Variants in SLC25A21 observed in about 807,000 individuals in gnomAD.
SLC25A21 encodes the protein mitochondrial 2-oxodicarboxylate carrier.
A neutral mutation model predicts 43.8 loss-of-function variants in SLC25A21; 47 were observed. The observed-to-expected ratio is 1.07, with a 90% CI of 0.85 to 1.37. The LOEUF is 1.37. Among genes scored for constraint, SLC25A21 ranks in the 40% most tolerant of loss-of-function variants. The pLI is 0.00. For synonymous variants in SLC25A21, 131 were observed against 121.3 expected, an observed-to-expected ratio of 1.08 and a Z score of -0.52; for missense variants, 352 against 350.2, an observed-to-expected ratio of 1.00 and a Z score of -0.04.
At chr14:37,032,286 A>C (rs1239966856) in intron 1 of SLC25A21, among the ~76,000 whole-genome samples, 2 of 152,170 alleles carry the variant, frequency 1.3e-5, no homozygotes, top group Admixed American at 1.3e-4. Context: ...TTGTAATCCT[A>C]GCACTTTGGG....
intron 1 of SLC25A21, among the ~76,000 whole-genome samples, chr14:37,125,019 T>A (rs924808688): frequency 6.6e-6 from 1 of 152,182 alleles, no homozygotes; most frequent in African/African-American, 2.4e-5. Flanking sequence ...GTCTCAAATA[T>A]TTCTTCATAG....
chr14:36,843,078 G>C (rs1889436101), intron 2 of SLC25A21, among the ~76,000 whole-genome samples: 1 of 152,146 alleles, frequency 6.6e-6, no homozygotes, highest in African/African-American at 2.4e-5. Context: ...CTGCTGATCT[G>C]ACAGGAGATA....
At chr14:37,028,905 A>T (rs1443558672) in intron 1 of SLC25A21, among the ~76,000 whole-genome samples, 1 of 152,208 alleles carries the variant, frequency 6.6e-6, no homozygotes, top group Non-Finnish European at 1.5e-5. Flanking sequence ...ATAACATGAC[A>T]TATTTACCTT....
chr14:37,144,796 GTTTT>G (rs1963631950), intron 1 of SLC25A21, among the ~76,000 whole-genome samples: 1 of 137,966 alleles, frequency 7.2e-6, no homozygotes, highest in Non-Finnish European at 1.6e-5. Flanking sequence ...TTTTTTTTTT[GTTTT>G]TTTAGTATTT....
At chr14:37,062,651 G>A (rs573487465) in intron 1 of SLC25A21, among the ~76,000 whole-genome samples, 30 of 152,206 alleles carry the variant, frequency 2.0e-4, no homozygotes, top group Non-Finnish European at 3.4e-4. Context: ...TAGATCAACA[G>A]CTTGTCAGGG....
intron 3 of SLC25A21, among the ~76,000 whole-genome samples, chr14:36,741,848 T>C (rs760905786): frequency 2.0e-5 from 3 of 152,140 alleles, no homozygotes; most frequent in Non-Finnish European, 2.9e-5. Flanking sequence ...GTTGGGGAAA[T>C]TGGAAAGCAT....
chr14:37,003,782 C>T (rs1240037094), intron 1 of SLC25A21, among the ~76,000 whole-genome samples: 1 of 152,164 alleles, frequency 6.6e-6, no homozygotes, highest in Non-Finnish European at 1.5e-5. Context: ...CTCTGGAGTG[C>T]CAGTTATGTC....
chr14:36,713,046 G>T (rs928281433), intron 6 of SLC25A21, among the ~76,000 whole-genome samples: 4 of 152,094 alleles, frequency 2.6e-5, no homozygotes, highest in Non-Finnish European at 5.9e-5. Context: ...GGGGTGGGAG[G>T]AACAGGACAG....
chr14:36,726,451 AAG>A (rs1555323226), intron 5 of SLC25A21, among the ~76,000 whole-genome samples: 1 of 147,060 alleles, frequency 6.8e-6, no homozygotes, highest in African/African-American at 2.5e-5. Context: ...TAAAAAAAAA[AAG>A]AAGAAGAAGA....
chr14:37,098,676 T>C (rs1962747729), intron 1 of SLC25A21: 3 of 151,980 alleles, frequency 2.0e-5, no homozygotes, highest in Admixed American at 2.0e-4. Flanking sequence ...TATTACCTAA[T>C]TGATTCTCCT....
intron 1 of SLC25A21, among the ~76,000 whole-genome samples, chr14:36,936,504 T>C (rs554240148): frequency 9.9e-4 from 151 of 152,304 alleles, no homozygotes; most frequent in African/African-American, 3.5e-3. Flanking sequence ...TGGTAACTAA[T>C]GTGTGATAGA....
intron 1 of SLC25A21, among the ~76,000 whole-genome samples, chr14:36,937,722 A>T (rs1206787832): frequency 6.6e-6 from 1 of 152,138 alleles, no homozygotes; most frequent in Non-Finnish European, 1.5e-5. Flanking sequence ...GGAATGGAGG[A>T]AGAATCAGCC....
chr14:36,858,539 T>C (rs1889971712), intron 2 of SLC25A21, among the ~76,000 whole-genome samples: 2 of 152,200 alleles, frequency 1.3e-5, no homozygotes, highest in Admixed American at 6.5e-5. Context: ...CCATTTTCTT[T>C]TGTGTGATGA....
chr14:36,958,678 T>TGCGCGC (rs147541950), intron 1 of SLC25A21, among the ~76,000 whole-genome samples: 1,992 of 107,686 alleles, frequency 0.018, 19 homozygotes, highest in African/African-American at 0.04. Context: ...TAAGCACACG[T>TGCGCGC]GCACACACAC....
At chr14:37,043,940 G>GT (rs59081965) in intron 1 of SLC25A21, among the ~76,000 whole-genome samples, 1,487 of 56,700 alleles carry the variant, frequency 0.026, 20 homozygotes, top group African/African-American at 0.054. Flanking sequence ...ATGTTTTTTT[G>GT]TTTTTTTTTT....
chr14:37,066,826 GAAT>G (rs1421935415), intron 1 of SLC25A21, among the ~76,000 whole-genome samples: 3 of 152,080 alleles, frequency 2.0e-5, no homozygotes, highest in Non-Finnish European at 4.4e-5. Context: ...AGATGTACCT[GAAT>G]AATAAGTTTA....
intron 1 of SLC25A21, among the ~76,000 whole-genome samples, chr14:37,165,271 G>C (rs1483192886): frequency 6.6e-6 from 1 of 152,050 alleles, no homozygotes; most frequent in South Asian, 2.1e-4. Flanking sequence ...CAGCTACTCA[G>C]AAGGCTGAGG....
intron 1 of SLC25A21, among the ~76,000 whole-genome samples, chr14:37,021,161 G>A (rs557847338): frequency 2.0e-5 from 3 of 152,032 alleles, no homozygotes; most frequent in African/African-American, 4.8e-5. Context: ...GCAAAGGACC[G>A]ATTGTGATGA....
chr14:36,977,272 A>T (rs1240334675), intron 1 of SLC25A21, among the ~76,000 whole-genome samples: 2 of 152,182 alleles, frequency 1.3e-5, no homozygotes, highest in African/African-American at 4.8e-5. Flanking sequence ...TTTTCTATGA[A>T]CACTTCCTTC....
Sources: allele counts gnomAD v4.1 joint callset (sites outside exome capture counted in the v4.1 genomes callset), GRCh38; gene constraint gnomAD v4.1.1; transcripts MANE v1.5; gene names NCBI Gene and HGNC (gene_info 2026-07-23, HGNC 2026-07-21).